Variants in SCN3A observed in about 807,000 individuals in gnomAD.
SCN3A encodes sodium channel protein type 3 subunit alpha.
In SCN3A, 60 loss-of-function variants were observed where a neutral mutation model predicts 187.6. That is an observed-to-expected ratio of 0.32 (90% CI 0.26 to 0.40). The LOEUF (loss-of-function observed/expected upper bound fraction) is 0.40. Ranked by LOEUF, SCN3A falls within the 10% of genes least tolerant of loss-of-function variation. The probability of loss-of-function intolerance (pLI) is 1.00; values close to 1 mark genes in which losing one functional copy is unlikely to be tolerated. For missense variants in SCN3A, 1,601 were observed against 2,428.2 expected (o/e 0.66, Z 7.16); for synonymous variants, 788 against 829.2 (o/e 0.95, Z 0.85).
intron 17 of SCN3A, among the ~76,000 whole-genome samples, chr2:165,129,540 C>T (rs1420156356): frequency 6.6e-6 from 1 of 152,110 alleles, no homozygotes; most frequent in Admixed American, 6.5e-5. Flanking sequence ...ATGCAAAGAG[C>T]AATTTGATTA....
chr2:165,173,992 T>A (rs942253975), intron 3 of SCN3A, among the ~76,000 whole-genome samples: 1 of 152,190 alleles, frequency 6.6e-6, no homozygotes, highest in Admixed American at 6.6e-5. Context: ...TGTTTTTTAG[T>A]GGCAGACTCA....
At position 165,198,874 on chromosome 2, in the gene SCN3A, C is replaced by T. The variant is rs985583931; in HGVS notation, c.-248+4949G>A. Among the ~76,000 whole-genome samples the T allele has an allele frequency of 1.2e-4, 18 of 151,858 alleles. 1 individual carries two copies. Among genetic ancestry groups the T allele is most frequent in the Middle Eastern group, 3.4e-3 (1 of 294 alleles). The stretch of plus-strand genomic sequence containing the variant: ...TATGGAGAAAAATAAATGTCACAAG[C>T]AGAAACACCAAGGAGACAGAGAAAC... On this transcript the variant is annotated intron_variant, in intron 1 of 27. Coordinates refer to ENST00000283254, the MANE Select transcript of SCN3A (RefSeq NM_006922.4).
At chr2:165,155,724 A>G (rs1688981541) in intron 10 of SCN3A, 38 bp downstream of exon 10, 3 of 1,611,096 alleles carry the variant, frequency 1.9e-6, no homozygotes, top group Non-Finnish European at 2.5e-6. Flanking sequence ...ATACATGTCT[A>G]TAAAAATAAA....
At chr2:165,184,186 GATAACCACTGGACAC>G (rs1164165680) in intron 2 of SCN3A, among the ~76,000 whole-genome samples, 1 of 152,074 alleles carries the variant, frequency 6.6e-6, no homozygotes, top group Non-Finnish European at 1.5e-5. Context: ...ACATTATAAT[GATAACCACTGGACAC>G]ATTCCAAGGC....
Position 165,163,546 on chromosome 2 carries a change from T to C in SCN3A, c.694+72A>G, listed in dbSNP as rs1188006935. On this transcript the variant is annotated intron_variant, in intron 7 of 27. Coordinates refer to ENST00000283254, the MANE Select transcript of SCN3A (RefSeq NM_006922.4). The stretch of plus-strand genomic sequence containing the variant: ...CTGTAATAATAAGCAACAAGGCTAA[T>C]GCTGTAAGTCATATAAATTGATTTC... 6 of 1,512,536 alleles carry C rather than the reference T, an allele frequency of 4.0e-6. No homozygotes were observed. In the Admixed American group the frequency reaches 7.2e-5, roughly 18 times the overall value. 93.7% of individuals were successfully genotyped at this position (1,512,536 alleles called of 1,614,324 possible).
At chr2:165,131,491 C>G in intron 15 of SCN3A, 74 bp from the exon 16 acceptor site, 1 of 992,018 alleles carries the variant, frequency 1.0e-6, no homozygotes. Context: ...TAAAGAAGAA[C>G]ATTAACAGGA....
intron 3 of SCN3A, among the ~76,000 whole-genome samples, chr2:165,172,141 G>C (rs1054521087): frequency 6.6e-6 from 1 of 151,950 alleles, no homozygotes; most frequent in Admixed American, 6.6e-5. Context: ...TTAAGACCAT[G>C]GTGCCAACCA....
intron 18 of SCN3A, among the ~76,000 whole-genome samples, chr2:165,126,989 G>A (rs1022339611): frequency 2.0e-5 from 3 of 152,148 alleles, no homozygotes; most frequent in Admixed American, 6.5e-5. Flanking sequence ...AGGAGATGAC[G>A]AAAATAAGTT....
intron 21 of SCN3A, among the ~76,000 whole-genome samples, chr2:165,104,648 A>T (rs1685763836): frequency 1.3e-5 from 2 of 152,082 alleles, no homozygotes; most frequent in Non-Finnish European, 2.9e-5. Flanking sequence ...AATTTGACTA[A>T]ATCAATATGA....
chr2:165,102,863 G>A (rs564522684), intron 21 of SCN3A, among the ~76,000 whole-genome samples: 1 of 152,128 alleles, frequency 6.6e-6, no homozygotes, highest in African/African-American at 2.4e-5. Context: ...TCTGTGCTGG[G>A]ATCTGTTGCG....
chr2:165,112,683 T>C lies in SCN3A; in HGVS notation c.3843+202A>G, dbSNP rs73019878. 0.024 allele frequency among the ~76,000 whole-genome samples: 3,651 copies of C among 152,316 alleles called. 145 individuals carry two copies. The highest frequency in any genetic ancestry group is 0.083 in the African/African-American group (3,431 of 41,560). On this transcript the variant is annotated intron_variant, in intron 21 of 27. Coordinates refer to ENST00000283254, the MANE Select transcript of SCN3A (RefSeq NM_006922.4). ...GGTAAAGAACAATTCTCCCTGTGTTTGCTCTTACCACTGCCCATGTTTTTA... is the reference window on the plus strand; with the variant it reads ...GGTAAAGAACAATTCTCCCTGTGTTCGCTCTTACCACTGCCCATGTTTTTA...
chr2:165,162,858 G>C (rs778966405), intron 7 of SCN3A, 30 bp from the exon 8 acceptor site: 3 of 1,612,982 alleles, frequency 1.9e-6, no homozygotes, highest in Non-Finnish European at 2.5e-6. Flanking sequence ...GGTTACCTGA[G>C]GAAGAGTGCC....
intron 11 of SCN3A, among the ~76,000 whole-genome samples, chr2:165,147,927 T>C (rs1688450290): frequency 6.6e-6 from 1 of 152,092 alleles, no homozygotes; most frequent in Admixed American, 6.6e-5. Flanking sequence ...CAAAGCTGAG[T>C]TCTCATTAAG....
At chr2:165,161,137 CTTTTTTTTTTTT>C (rs61608647) in intron 9 of SCN3A, among the ~76,000 whole-genome samples, 10 of 93,368 alleles carry the variant, frequency 1.1e-4, no homozygotes, top group African/African-American at 3.0e-4. Context: ...TTCTTTCTTT[CTTTTTTTTTTTT>C]TTTTTTTTTT....
At chr2:165,099,222 T>C (rs936923124) in intron 22 of SCN3A, among the ~76,000 whole-genome samples, 2 of 152,064 alleles carry the variant, frequency 1.3e-5, no homozygotes, top group Non-Finnish European at 2.9e-5. Context: ...CCACATGCAC[T>C]CACAAGCCAG....
intron 11 of SCN3A, among the ~76,000 whole-genome samples, chr2:165,149,771 A>ATC (rs1559233742): frequency 6.6e-6 from 1 of 152,218 alleles, no homozygotes; most frequent in East Asian, 1.9e-4. Context: ...AACTTGCTGA[A>ATC]TTCCTCTTTT....
rs1684957491 is a variant in SCN3A at position 165,088,982 on chromosome 2, T to TTCC, written c.*1167_*1168insGGA. 1 of 152,576 alleles carries TTCC rather than the reference T, an allele frequency of 6.6e-6. No homozygotes were observed. Among genetic ancestry groups the TTCC allele is most frequent in the Non-Finnish European group, 1.5e-5 (1 of 67,990 alleles). The allele number at this position is 152,576 out of a possible 1,614,324, so 9.5% of individuals were successfully genotyped here. A position where few individuals can be genotyped will look rare whatever the true frequency, so the allele number is the denominator to read the frequency against. On this transcript the variant is annotated 3_prime_UTR_variant, in exon 28 of 28. Transcript: ENST00000283254. The stretch of plus-strand genomic sequence containing the variant: ...TGGACAGAGCAGGTTGAATTCATTC[T>TTCC]ATCACCAATATGTGACATTCTTTAA...
intron 15 of SCN3A, among the ~76,000 whole-genome samples, chr2:165,134,907 G>C (rs1687572759): frequency 6.6e-6 from 1 of 151,654 alleles, no homozygotes; most frequent in South Asian, 2.1e-4. Flanking sequence ...AAAATGACTA[G>C]ATCTCATACC....
rs1363400927 is a variant in SCN3A, at chr2:165,131,258, G to T, written c.2551C>A (p.Arg851=). The T allele has an allele frequency of 1.3e-6, 2 of 1,590,616 alleles. No homozygotes were observed. The highest frequency in any genetic ancestry group is 1.7e-5 in the Admixed American group (1 of 58,410). The change falls in exon 16 of 28, where the codon CGA becomes AGA. Residue 851 remains arginine, a synonymous_variant. Transcript: ENST00000283254. The part of the protein sequence containing the change: ...LSNVEGLSVL[R]SFRLLRVFKL... ...TAAATAGATACCAGTCTGAATGATCGCAGTACAGACAATCCCTCCACATTT... is the reference window on the plus strand; with the variant it reads ...TAAATAGATACCAGTCTGAATGATCTCAGTACAGACAATCCCTCCACATTT...
Sources: gnomAD v4.1 joint callset for allele counts (sites outside exome capture counted in the v4.1 genomes callset) on GRCh38, gnomAD v4.1.1 for gene constraint, MANE v1.5 for transcripts, NCBI Gene and HGNC (gene_info 2026-07-23, HGNC 2026-07-21) for gene names.